ABTB2: variants seen among roughly 807,000 people sequenced by gnomAD.
ABTB2 encodes the protein ankyrin repeat and BTB domain containing 2.
In ABTB2, 56 loss-of-function variants were observed where a neutral mutation model predicts 104.1. The ratio of observed to expected loss-of-function variants is 0.54; its 90% CI spans 0.43 to 0.67. ABTB2 has a LOEUF of 0.67. Among genes scored for constraint, ABTB2 ranks in the 30% least tolerant of loss-of-function variants. The pLI, the probability that ABTB2 is intolerant of heterozygous loss-of-function variation, is 0.00. For synonymous variants in ABTB2, 606 were observed against 608.2 expected (o/e 1.00, Z 0.05); for missense variants, 1,279 against 1,407.7 (o/e 0.91, Z 1.46).
At position 34,167,992 on chromosome 11, in the gene ABTB2, C is replaced by T. The variant is rs1852824687; in HGVS notation, c.1564G>A (p.Gly522Ser). 2 of 1,613,804 alleles carry T rather than the reference C, an allele frequency of 1.2e-6. No homozygotes were observed. The highest frequency in any genetic ancestry group is 8.5e-7 in the Non-Finnish European group (1 of 1,179,944). ...CAGGCGTACATCAGTGGCGTCATAC[C>T]CTGAGCAAATCAAATGCACGTGCTA... ...PDGVNTMDDQGMTPLMYACAA... is the reference protein window; with the variant it reads ...PDGVNTMDDQSMTPLMYACAA... The change falls in exon 6 of 17, where the codon GGT becomes AGT. Residue 522 changes from glycine to serine, a missense_variant and splice_region_variant. Transcript: ENST00000435224.
intron 1 of ABTB2, among the ~76,000 whole-genome samples, chr11:34,289,289 A>G (rs1237257961): frequency 6.6e-6 from 1 of 152,236 alleles, no homozygotes; most frequent in East Asian, 1.9e-4. Flanking sequence ...AAAACAAAGT[A>G]CACATCAACA....
At chr11:34,173,028 C>G in intron 4 of ABTB2, 127 bp downstream of exon 4, 1 of 1,219,068 alleles carries the variant, frequency 8.2e-7, no homozygotes, top group South Asian at 1.4e-5. Flanking sequence ...ACCCTTAGAA[C>G]AGCTCAAATG....
intron 14 of ABTB2, among the ~76,000 whole-genome samples, chr11:34,156,173 G>A (rs1455782581): frequency 6.6e-6 from 1 of 152,250 alleles, no homozygotes; most frequent in East Asian, 1.9e-4. Context: ...CCCAGTCTTG[G>A]CATCCGTGGC....
At chr11:34,203,583 AC>A (rs1364808892) in intron 2 of ABTB2, among the ~76,000 whole-genome samples, 1 of 152,142 alleles carries the variant, frequency 6.6e-6, no homozygotes, top group East Asian at 1.9e-4. Flanking sequence ...CTGTAATGTC[AC>A]CAGGAGACAG....
In ABTB2 at chr11:34,306,236, ATTTTTTTT is replaced by A. The variant is rs34872949; in HGVS notation, c.883+50457_883+50464del. 7.6e-3 allele frequency among the ~76,000 whole-genome samples: 546 copies of A among 71,976 alleles called. 4 individuals are homozygous for A. The highest frequency in any genetic ancestry group is 0.026 in the African/African-American group (526 of 20,238). 47.2% of individuals were successfully genotyped at this position (71,976 alleles called of 152,430 possible). A position where few individuals can be genotyped will look rare whatever the true frequency, so the allele number is the denominator to read the frequency against. The stretch of plus-strand genomic sequence containing the variant: ...TCCCACTAGCTGCCTGGAAAGTTTG[ATTTTTTTT>A]TTTTTTTTTTTTTTTTTTTTTGAGA... On this transcript the variant is annotated intron_variant, in intron 1 of 16. Transcript: ENST00000435224.
At chr11:34,156,168 T>A (rs1005564352) in intron 14 of ABTB2, among the ~76,000 whole-genome samples, 27 of 152,238 alleles carry the variant, frequency 1.8e-4, no homozygotes, top group African/African-American at 6.3e-4. Flanking sequence ...CAAGGCCCAG[T>A]CTTGGCATCC....
chr11:34,218,191 TC>T (rs1853571404), intron 1 of ABTB2, among the ~76,000 whole-genome samples: 1 of 152,234 alleles, frequency 6.6e-6, no homozygotes, highest in Admixed American at 6.5e-5. Flanking sequence ...TAGGTAGCAA[TC>T]CTTTATCAGA....
intron 1 of ABTB2, among the ~76,000 whole-genome samples, chr11:34,238,712 C>T (rs1021868970): frequency 3.3e-5 from 5 of 152,188 alleles, no homozygotes; most frequent in Non-Finnish European, 5.9e-5. Context: ...CTCGCTCTTT[C>T]CCAAGACTAT....
At chr11:34,168,767 T>C (rs1423917394) in intron 5 of ABTB2, among the ~76,000 whole-genome samples, 1 of 152,222 alleles carries the variant, frequency 6.6e-6, no homozygotes, top group Non-Finnish European at 1.5e-5. Context: ...AGAGCATTCC[T>C]GCAAGCTGAG....
chr11:34,348,203 A>G (rs968522070), intron 1 of ABTB2, among the ~76,000 whole-genome samples: 2 of 152,168 alleles, frequency 1.3e-5, no homozygotes, highest in South Asian at 4.1e-4. Flanking sequence ...TGCATTTTTG[A>G]GGTCAAGCTT....
At chr11:34,338,281 T>C (rs1855217069) in intron 1 of ABTB2, among the ~76,000 whole-genome samples, 2 of 151,414 alleles carry the variant, frequency 1.3e-5, no homozygotes, top group Middle Eastern at 3.4e-3. Flanking sequence ...CTTAGGAGGC[T>C]GAGGGAGGAG....
intron 1 of ABTB2, among the ~76,000 whole-genome samples, chr11:34,224,279 G>A (rs182920893): frequency 1.1e-4 from 17 of 152,074 alleles, no homozygotes; most frequent in African/African-American, 3.9e-4. Flanking sequence ...CAAAGTGCTG[G>A]GATTATAGGA....
At chr11:34,241,751 T>C (rs1195218317) in intron 1 of ABTB2, among the ~76,000 whole-genome samples, 1 of 152,218 alleles carries the variant, frequency 6.6e-6, no homozygotes, top group Non-Finnish European at 1.5e-5. Context: ...GTTAACAAGA[T>C]AATCCCCATC....
Position 34,152,301 on chromosome 11 carries a change from C to A in ABTB2, c.*86G>T. The A allele has an allele frequency of 7.0e-7, 1 of 1,426,720 alleles. No homozygotes were observed. The highest frequency in any genetic ancestry group is 9.4e-7 in the Non-Finnish European group (1 of 1,067,800). 88.4% of individuals were successfully genotyped at this position (1,426,720 alleles called of 1,614,324 possible). A position where few individuals can be genotyped will look rare whatever the true frequency, so the allele number is the denominator to read the frequency against. ...GGAGGAAACAGCCCCGTGAACCTGG[C>A]TCCAAGAGGGCCTACAACCATACCC... is the stretch of plus-strand genomic sequence containing the variant. On this transcript the variant is annotated 3_prime_UTR_variant, in exon 17 of 17. Transcript: ENST00000435224.
intron 1 of ABTB2, among the ~76,000 whole-genome samples, chr11:34,237,124 C>T (rs1476851162): frequency 6.6e-6 from 1 of 152,110 alleles, no homozygotes; most frequent in Non-Finnish European, 1.5e-5. Flanking sequence ...GAGGTTTTCT[C>T]ATCTGTAAAA....
Position 34,152,117 on chromosome 11 carries a change from G to A in ABTB2, c.*270C>T. 2.1e-6 allele frequency: 1 copy of A among 473,624 alleles called. No homozygotes were observed. The highest frequency in any genetic ancestry group is 3.5e-5 in the Admixed American group (1 of 28,702). 29.3% of individuals were successfully genotyped at this position (473,624 alleles called of 1,614,324 possible). Reference sequence around the variant, plus strand: ...GCAGGAGGGGAGAGCGACACCCCGGGGGAGTGCATGGCTGCCCTTGAGTTG... The same window carrying A: ...GCAGGAGGGGAGAGCGACACCCCGGAGGAGTGCATGGCTGCCCTTGAGTTG... On this transcript the variant is annotated 3_prime_UTR_variant, in exon 17 of 17. Transcript: ENST00000435224.
chr11:34,193,139 A>C (rs140673983), intron 3 of ABTB2, among the ~76,000 whole-genome samples: 1 of 152,196 alleles, frequency 6.6e-6, no homozygotes, highest in African/African-American at 2.4e-5. Flanking sequence ...CCTCAGAGGA[A>C]GGAGGCTCCC....
Position 34,151,977 on chromosome 11 carries a change from G to T in ABTB2, c.*410C>A, listed in dbSNP as rs1209692064. The T allele has an allele frequency of 4.6e-6, 1 of 218,024 alleles. No individual in the cohort carries two copies. Among genetic ancestry groups the T allele is most frequent in the East Asian group, 1.2e-4 (1 of 8,210 alleles). The allele number at this position is 218,024 out of a possible 1,614,324, so 13.5% of individuals were successfully genotyped here. On this transcript the variant is annotated 3_prime_UTR_variant, in exon 17 of 17. Coordinates refer to ENST00000435224, the MANE Select transcript of ABTB2 (RefSeq NM_145804.3). Reference sequence around the variant, plus strand: ...CAGTATGCATTCTATACATTCATAAGGATTCCTGTACCCCCAGGAGCCCCA... The same window carrying T: ...CAGTATGCATTCTATACATTCATAATGATTCCTGTACCCCCAGGAGCCCCA...
chr11:34,273,359 T>C (rs1854342676), intron 1 of ABTB2, among the ~76,000 whole-genome samples: 1 of 152,206 alleles, frequency 6.6e-6, no homozygotes, highest in African/African-American at 2.4e-5. Context: ...GGCCTGCTCT[T>C]GCAAGGCCCG....
Sources: gnomAD v4.1 joint callset for allele counts (sites outside exome capture counted in the v4.1 genomes callset) on GRCh38, gnomAD v4.1.1 for gene constraint, MANE v1.5 for transcripts, NCBI Gene and HGNC (gene_info 2026-07-23, HGNC 2026-07-21) for gene names.